The following ZNF521 variants were observed in gnomAD, a reference collection of about 807,000 sequenced individuals.
ZNF521 encodes zinc finger protein 521, also known as LYST-interacting protein 3.
ZNF521 carries 14 observed loss-of-function variants against 105.5 expected under a neutral mutation model. The observed-to-expected ratio is 0.13, with a 90% CI of 0.09 to 0.21. The LOEUF is 0.21. Ranked by LOEUF, ZNF521 falls within the 10% of genes least tolerant of loss-of-function variation. The probability of loss-of-function intolerance (pLI) is 1.00; values close to 1 mark genes in which losing one functional copy is unlikely to be tolerated. For missense variants in ZNF521, 1,233 were observed against 1,629.7 expected (o/e 0.76, Z 4.19); for synonymous variants, 635 against 606.0 (o/e 1.05, Z -0.70).
intron 3 of ZNF521, among the ~76,000 whole-genome samples, chr18:25,230,952 C>T (rs915625775): frequency 2.1e-4 from 32 of 152,178 alleles, no homozygotes; most frequent in Non-Finnish European, 1.5e-4. Flanking sequence ...CACATTAAAA[C>T]AAGTGTGTGA....
chr18:25,103,891 T>C (rs1175471979), intron 5 of ZNF521, among the ~76,000 whole-genome samples: 1 of 152,142 alleles, frequency 6.6e-6, no homozygotes, highest in Admixed American at 6.6e-5. Context: ...TTCTTTCTCA[T>C]TTCTACTTAG....
chr18:25,153,741 T>G (rs1368397075), intron 5 of ZNF521, among the ~76,000 whole-genome samples: 1 of 152,218 alleles, frequency 6.6e-6, no homozygotes, highest in Non-Finnish European at 1.5e-5. Context: ...CGTCTAACAC[T>G]TCAAAGGCTT....
intron 5 of ZNF521, among the ~76,000 whole-genome samples, chr18:25,135,279 C>CGTGTGTGTGTGTGTGT (rs35980671): frequency 3.9e-4 from 57 of 146,112 alleles, no homozygotes; most frequent in African/African-American, 1.2e-3. Flanking sequence ...TATATGTATA[C>CGTGTGTGTGTGTGTGT]GTGTGTGTGT....
intron 3 of ZNF521, among the ~76,000 whole-genome samples, chr18:25,294,556 T>C (rs1911214473): frequency 6.6e-6 from 1 of 152,082 alleles, no homozygotes; most frequent in Admixed American, 6.6e-5. Context: ...GCCTTACATC[T>C]TAAGAAGTAG....
chr18:25,228,873 T>G (rs1415618878), intron 3 of ZNF521, among the ~76,000 whole-genome samples: 1 of 152,216 alleles, frequency 6.6e-6, no homozygotes, highest in Non-Finnish European at 1.5e-5. Flanking sequence ...ACCTCTTTTT[T>G]GCTTTTCATA....
At position 25,274,313 on chromosome 18, in the gene ZNF521, C is replaced by T. The variant is rs116805835; in HGVS notation, c.221-46616G>A. ...CTGGGTTTAAGGGAAACTGGGGATA[C>T]TCTACTATGTAGATATGACACGACC... On this transcript the variant is annotated intron_variant, in intron 3 of 7. Transcript: ENST00000361524. 8.6e-3 allele frequency among the ~76,000 whole-genome samples: 1,304 copies of T among 152,310 alleles called. 23 individuals are homozygous for T. The highest frequency in any genetic ancestry group is 0.03 in the African/African-American group (1,228 of 41,570).
intron 3 of ZNF521, among the ~76,000 whole-genome samples, chr18:25,239,869 G>T (rs895767643): frequency 1.2e-4 from 18 of 152,144 alleles, no homozygotes; most frequent in African/African-American, 4.3e-4. Context: ...GTAGCTCAAG[G>T]TGTCTTATCT....
At chr18:25,151,629 T>G (rs1274189726) in intron 5 of ZNF521, among the ~76,000 whole-genome samples, 1 of 152,136 alleles carries the variant, frequency 6.6e-6, no homozygotes, top group Non-Finnish European at 1.5e-5. Flanking sequence ...CTTTCAACTC[T>G]TTCCCTCTGC....
At chr18:25,264,219 G>T (rs1909101384) in intron 3 of ZNF521, among the ~76,000 whole-genome samples, 1 of 152,106 alleles carries the variant, frequency 6.6e-6, no homozygotes, top group Non-Finnish European at 1.5e-5. Flanking sequence ...TAAATGAGGG[G>T]ATTAGGATAT....
intron 3 of ZNF521, among the ~76,000 whole-genome samples, chr18:25,308,624 A>C (rs1912117128): frequency 6.7e-6 from 1 of 148,608 alleles, no homozygotes; most frequent in African/African-American, 2.5e-5. Flanking sequence ...AACCACCCCA[A>C]TGTGCCAAGT....
chr18:25,300,112 G>C (rs1020522605), intron 3 of ZNF521, among the ~76,000 whole-genome samples: 41 of 152,154 alleles, frequency 2.7e-4, no homozygotes, highest in African/African-American at 9.7e-4. Flanking sequence ...GACCCATGCT[G>C]TGAAAGCCAG....
intron 7 of ZNF521, among the ~76,000 whole-genome samples, chr18:25,066,407 C>T (rs1466384629): frequency 3.3e-5 from 5 of 152,154 alleles, no homozygotes. Context: ...ACTGGAAATA[C>T]AAATGGCCTC....
In ZNF521 at chr18:25,062,341, C is replaced by CA. The variant is rs559673205; in HGVS notation, c.*370dup. 2.0e-5 allele frequency: 5 copies of CA among 248,116 alleles called. No individual in the cohort carries two copies. In the East Asian group the frequency reaches 3.2e-4, roughly 16 times the overall value. The allele number at this position is 248,116 out of a possible 1,614,324, so 15.4% of individuals were successfully genotyped here. The stretch of plus-strand genomic sequence containing the variant: ...GCTTAAGTGTAAAGAAAAGGAAGTC[C>CA]AACCATAGTCTCATGTATAACAGTT... On this transcript the variant is annotated 3_prime_UTR_variant, in exon 8 of 8. Transcript: ENST00000361524.
chr18:25,149,159 T>C (rs1463436157), intron 5 of ZNF521, among the ~76,000 whole-genome samples: 2 of 152,176 alleles, frequency 1.3e-5, no homozygotes, highest in Admixed American at 6.5e-5. Flanking sequence ...GCACAGGTCT[T>C]TGTCCATGTA....
chr18:25,095,861 T>G (rs527258852), intron 5 of ZNF521, among the ~76,000 whole-genome samples: 4 of 152,284 alleles, frequency 2.6e-5, no homozygotes, highest in African/African-American at 9.6e-5. Context: ...GAGCTTTCTG[T>G]ATGAGCCTGT....
intron 5 of ZNF521, among the ~76,000 whole-genome samples, chr18:25,142,254 A>G (rs1215594235): frequency 1.3e-5 from 2 of 152,110 alleles, no homozygotes; most frequent in Non-Finnish European, 2.9e-5. Flanking sequence ...AAGTTCTCTC[A>G]TCCATCTCTG....
At chr18:25,076,691 A>T (rs2033370533) in intron 7 of ZNF521, among the ~76,000 whole-genome samples, 1 of 152,366 alleles carries the variant, frequency 6.6e-6, no homozygotes, top group South Asian at 2.1e-4. Context: ...CAATTGCATG[A>T]TGCAAATTCA....
intron 3 of ZNF521, among the ~76,000 whole-genome samples, chr18:25,269,106 C>CAAA (rs199827639): frequency 1.6e-4 from 10 of 60,758 alleles, no homozygotes; most frequent in East Asian, 4.2e-4. Flanking sequence ...AAATGGAAAG[C>CAAA]AAAAAAAAAA....
At position 25,322,165 on chromosome 18, in the gene ZNF521, G is replaced by A. The variant is rs1182017939; in HGVS notation, c.63C>T (p.Asp21=). The A allele has an allele frequency of 6.2e-7, 1 of 1,614,096 alleles. No homozygotes were observed. The highest frequency in any genetic ancestry group is 1.7e-5 in the Admixed American group (1 of 60,018). ...CTAGTGCCTCTCCATCTTCAGTCTT[G>A]TCTTCAAGTTTACAGTTGGGGTCTG... The part of the protein sequence containing the change: ...SLKDPNCKLE[D]KTEDGEALDC... The change falls in exon 3 of 8, where the codon GAC becomes GAT. Residue 21 remains aspartate, a synonymous_variant. Transcript: ENST00000361524.
Sources: gnomAD v4.1 joint callset for allele counts (sites outside exome capture counted in the v4.1 genomes callset) on GRCh38, gnomAD v4.1.1 for gene constraint, MANE v1.5 for transcripts, NCBI Gene and HGNC (gene_info 2026-07-23, HGNC 2026-07-21) for gene names.